SDK1: variants seen among roughly 807,000 people sequenced by gnomAD.
The protein encoded by SDK1 is protein sidekick-1.
Under a neutral mutation model 245.5 loss-of-function variants are expected in SDK1, and 157 were observed. The ratio of observed to expected loss-of-function variants is 0.64; its 90% confidence interval spans 0.56 to 0.73. SDK1 has a LOEUF of 0.73. Ranked by LOEUF, SDK1 falls within the 30% of genes least tolerant of loss-of-function variation. The pLI is 0.00. For missense variants in SDK1, 3,583 were observed against 3,002.3 expected (o/e 1.19, Z -4.52); for synonymous variants, 1,647 against 1,278.5 (o/e 1.29, Z -6.15).
chr7:3,812,305 C>T (rs73672181), intron 4 of SDK1, among the ~76,000 whole-genome samples: 2 of 152,204 alleles, frequency 1.3e-5, no homozygotes, highest in African/African-American at 4.8e-5. Context: ...CATTTATCGA[C>T]TACACACTGT....
At chr7:4,196,819 G>C (rs537737962) in intron 35 of SDK1, among the ~76,000 whole-genome samples, 17 of 152,336 alleles carry the variant, frequency 1.1e-4, no homozygotes, top group Admixed American at 5.9e-4. Flanking sequence ...ACGGTACCTA[G>C]TGGAGAAGCA....
In SDK1 at chr7:4,180,450, A is replaced by G. The variant is rs368969993; in HGVS notation, c.5098+1864A>G. On this transcript the variant is annotated intron_variant, in intron 35 of 44. Transcript: ENST00000404826. ...GCCCAGCTCCAGCTCTATGCCCAGC[A>G]CCCGGCTCCAGCTCTATGCCCTGTG... Among the ~76,000 whole-genome samples the G allele has an allele frequency of 2.7e-3, 260 of 98,058 alleles. 1 individual carries two copies. The highest frequency in any genetic ancestry group is 4.3e-3 in the South Asian group (12 of 2,804). The allele number at this position is 98,058 out of a possible 152,430, so 64.3% of individuals were successfully genotyped here. A position where few individuals can be genotyped will look rare whatever the true frequency, so the allele number is the denominator to read the frequency against.
chr7:3,572,476 C>G (rs1165231186), intron 1 of SDK1, among the ~76,000 whole-genome samples: 5 of 151,958 alleles, frequency 3.3e-5, no homozygotes, highest in South Asian at 2.1e-4. Context: ...ATAAACTGCG[C>G]AGACCAATGA....
intron 9 of SDK1, among the ~76,000 whole-genome samples, chr7:3,966,749 G>A (rs577177131): frequency 1.3e-5 from 2 of 152,004 alleles, no homozygotes; most frequent in East Asian, 1.9e-4. Flanking sequence ...ACAGTGGCAC[G>A]ATCATCACTC....
intron 35 of SDK1, among the ~76,000 whole-genome samples, chr7:4,186,993 A>G (rs622385): frequency 0.24 from 36,664 of 152,138 alleles, 4,676 homozygotes; most frequent in Middle Eastern, 0.43. Context: ...GGGCTCCAGC[A>G]TGTCTACCTA....
intron 2 of SDK1, among the ~76,000 whole-genome samples, chr7:3,623,614 G>A (rs1227653159): frequency 4.6e-5 from 7 of 151,956 alleles, no homozygotes; most frequent in South Asian, 4.2e-4. Context: ...GCAAGTTGAC[G>A]GTAATTCAGC....
intron 12 of SDK1, among the ~76,000 whole-genome samples, chr7:3,974,056 C>T (rs1583688248): frequency 2.6e-5 from 4 of 151,450 alleles, no homozygotes; most frequent in African/African-American, 9.7e-5. Flanking sequence ...TGGTGGCATA[C>T]ATCTGTGGTC....
chr7:4,143,905 G>T (rs534772936), intron 28 of SDK1, among the ~76,000 whole-genome samples: 1 of 152,354 alleles, frequency 6.6e-6, no homozygotes, highest in African/African-American at 2.4e-5. Flanking sequence ...GCGTTGCAGG[G>T]ATGCAGCAGG....
chr7:4,036,253 TTTAAA>T (rs779814564), intron 17 of SDK1, among the ~76,000 whole-genome samples: 12 of 152,254 alleles, frequency 7.9e-5, no homozygotes, highest in Non-Finnish European at 1.5e-4. Context: ...ATTAAGTCTC[TTTAAA>T]TTATACTATA....
chr7:3,331,640 T>C lies in SDK1; in HGVS notation c.298+29756T>C, dbSNP rs1228258713. On this transcript the variant is annotated intron_variant, in intron 1 of 44. Transcript: ENST00000404826. Reference sequence around the variant, plus strand: ...ATTCTGATGTCCACTTTATCTTTTGTTGTGCTTTTGGTGTCATATCTGAAC... The same window carrying C: ...ATTCTGATGTCCACTTTATCTTTTGCTGTGCTTTTGGTGTCATATCTGAAC... Among the ~76,000 whole-genome samples, 3 of 152,356 alleles carry C rather than the reference T, an allele frequency of 2.0e-5. No individual in the cohort carries two copies. In the East Asian group the frequency reaches 5.8e-4, roughly 29 times the overall value.
chr7:3,822,901 G>C (rs1293062698), intron 5 of SDK1, among the ~76,000 whole-genome samples: 1 of 152,188 alleles, frequency 6.6e-6, no homozygotes, highest in East Asian at 1.9e-4. Flanking sequence ...AACTCTGGGT[G>C]CAGGCGTCTG....
chr7:4,030,646 T>A (rs1011243890), intron 17 of SDK1, among the ~76,000 whole-genome samples: 2 of 152,236 alleles, frequency 1.3e-5, no homozygotes, highest in East Asian at 3.9e-4. Context: ...ACAAGAAGCG[T>A]TCGGCACCAA....
At chr7:3,438,364 T>C (rs1326395168) in intron 1 of SDK1, among the ~76,000 whole-genome samples, 1 of 152,262 alleles carries the variant, frequency 6.6e-6, no homozygotes, top group Non-Finnish European at 1.5e-5. Flanking sequence ...GAATATGCTG[T>C]GTATTCGAAA....
In SDK1 at chr7:4,231,904, C is replaced by T. The variant is rs138816359; in HGVS notation, c.5828-1351C>T. ...CTCAGTGCCCATAAAGTAGTCAGCA[C>T]GGGTACACACATATCCAAATGGGTT... is the stretch of plus-strand genomic sequence containing the variant. On this transcript the variant is annotated intron_variant, in intron 40 of 44. Transcript: ENST00000404826. Among the ~76,000 whole-genome samples, 83 of 152,258 alleles carry T rather than the reference C, an allele frequency of 5.5e-4. 1 individual carries two copies. Among genetic ancestry groups the T allele is most frequent in the African/African-American group, 1.9e-3 (78 of 41,560 alleles).
At chr7:3,942,510 A>C (rs879673272) in intron 5 of SDK1, among the ~76,000 whole-genome samples, 1 of 152,250 alleles carries the variant, frequency 6.6e-6, no homozygotes, top group African/African-American at 2.4e-5. Flanking sequence ...GATGTTGGAA[A>C]AAGATTTAAA....
chr7:3,614,264 C>G (rs1400591266), intron 1 of SDK1, among the ~76,000 whole-genome samples: 2 of 152,176 alleles, frequency 1.3e-5, no homozygotes, highest in African/African-American at 4.8e-5. Flanking sequence ...AAGAATAGAA[C>G]ACTTTCTATA....
At chr7:3,854,546 G>A (rs1021112930) in intron 5 of SDK1, among the ~76,000 whole-genome samples, 47 of 152,234 alleles carry the variant, frequency 3.1e-4, no homozygotes, top group African/African-American at 1.1e-3. Flanking sequence ...ATTCCGTAAT[G>A]CCAACACGAA....
chr7:3,724,832 C>G (rs923351444), intron 4 of SDK1, among the ~76,000 whole-genome samples: 1 of 152,202 alleles, frequency 6.6e-6, no homozygotes, highest in African/African-American at 2.4e-5. Context: ...CAGAAGCATC[C>G]CATGTCATTT....
At chr7:3,551,977 C>A (rs1289527775) in intron 1 of SDK1, among the ~76,000 whole-genome samples, 1 of 151,988 alleles carries the variant, frequency 6.6e-6, no homozygotes, top group African/African-American at 2.4e-5. Context: ...ATACTATGGC[C>A]TGGGTCGTTC....
Sources: gnomAD v4.1 joint callset for allele counts (sites outside exome capture counted in the v4.1 genomes callset) on GRCh38, gnomAD v4.1.1 for gene constraint, MANE v1.5 for transcripts, NCBI Gene and HGNC (gene_info 2026-07-23, HGNC 2026-07-21) for gene names.